Variants in WWOX observed in about 807,000 individuals in gnomAD.
WWOX encodes WW domain containing oxidoreductase.
A neutral mutation model predicts 46.2 loss-of-function variants in WWOX; 69 were observed. The ratio of observed to expected loss-of-function variants is 1.49; its 90% CI spans 1.23 to 1.82. WWOX has a LOEUF of 1.82. WWOX is among the 40% of genes most tolerant of loss of function. WWOX has a pLI of 0.00. For missense variants in WWOX, 919 were observed against 542.6 expected (o/e 1.69, Z -6.89); for synonymous variants, 359 against 202.6 (o/e 1.77, Z -6.56).
chr16:78,985,112 G>A (rs573337625), intron 8 of WWOX, among the ~76,000 whole-genome samples: 4 of 152,322 alleles, frequency 2.6e-5, no homozygotes, highest in Admixed American at 2.6e-4. Flanking sequence ...TTTCCGAACG[G>A]ATCAGATTCC....
chr16:78,527,990 C>CTTTTTTTT (rs1348624411), intron 8 of WWOX, among the ~76,000 whole-genome samples: 1 of 57,950 alleles, frequency 1.7e-5, no homozygotes, highest in Admixed American at 2.6e-4. Flanking sequence ...TGGTACATGT[C>CTTTTTTTT]CTTTTTTTTT....
chr16:78,272,099 A>G (rs2079487974), intron 5 of WWOX, among the ~76,000 whole-genome samples: 1 of 152,222 alleles, frequency 6.6e-6, no homozygotes, highest in Admixed American at 6.5e-5. Flanking sequence ...CCCAAAACTT[A>G]GAGGCTTAAA....
intron 8 of WWOX, among the ~76,000 whole-genome samples, chr16:78,723,315 C>G (rs183130895): frequency 6.6e-6 from 1 of 152,124 alleles, no homozygotes; most frequent in Non-Finnish European, 1.5e-5. Flanking sequence ...TGGTCTCTTG[C>G]CTTGGGGTCA....
chr16:78,102,286 G>A (rs2031850017), intron 1 of WWOX, among the ~76,000 whole-genome samples: 1 of 152,160 alleles, frequency 6.6e-6, no homozygotes, highest in Non-Finnish European at 1.5e-5. Flanking sequence ...AGTGAGAGGA[G>A]AGACCCCCTG....
At chr16:78,633,320 A>T (rs868075095) in intron 8 of WWOX, among the ~76,000 whole-genome samples, 1 of 152,188 alleles carries the variant, frequency 6.6e-6, no homozygotes, top group African/African-American at 2.4e-5. Flanking sequence ...AGTATCTTCT[A>T]TGGGGCTACC....
At chr16:78,104,926 T>C (rs939313796) in intron 1 of WWOX, among the ~76,000 whole-genome samples, 1 of 152,214 alleles carries the variant, frequency 6.6e-6, no homozygotes, top group Non-Finnish European at 1.5e-5. Context: ...AATGACTTCT[T>C]CAAGGGCAGA....
intron 8 of WWOX, among the ~76,000 whole-genome samples, chr16:79,128,050 G>C (rs889106257): frequency 6.6e-6 from 1 of 152,124 alleles, no homozygotes; most frequent in Non-Finnish European, 1.5e-5. Context: ...AATGGAGCAG[G>C]GGAGATGCTG....
At chr16:78,587,553 G>T (rs781443305) in intron 8 of WWOX, among the ~76,000 whole-genome samples, 1 of 151,922 alleles carries the variant, frequency 6.6e-6, no homozygotes, top group Non-Finnish European at 1.5e-5. Flanking sequence ...CCTGAGATTC[G>T]CTCACTGCCC....
At chr16:78,121,738 T>C (rs1237794469) in intron 4 of WWOX, among the ~76,000 whole-genome samples, 1 of 152,040 alleles carries the variant, frequency 6.6e-6, no homozygotes, top group Non-Finnish European at 1.5e-5. Context: ...CTCAGCTCAC[T>C]GCAACCTTTG....
intron 8 of WWOX, among the ~76,000 whole-genome samples, chr16:79,132,428 C>T (rs1381434988): frequency 2.0e-5 from 3 of 152,052 alleles, no homozygotes. Flanking sequence ...AAGCCACAGC[C>T]AGTGTTACAG....
intron 8 of WWOX, among the ~76,000 whole-genome samples, chr16:78,831,167 G>A (rs1020964231): frequency 6.6e-6 from 1 of 152,136 alleles, no homozygotes; most frequent in Admixed American, 6.5e-5. Context: ...AGAATTTGGG[G>A]GCTGAAGACC....
At chr16:79,096,897 T>G (rs1032894264) in intron 8 of WWOX, among the ~76,000 whole-genome samples, 2 of 151,992 alleles carry the variant, frequency 1.3e-5, no homozygotes, top group Non-Finnish European at 2.9e-5. Flanking sequence ...TTCTTTATAC[T>G]CTGGGGAGAA....
chr16:78,285,737 G>A (rs12446017), intron 5 of WWOX, among the ~76,000 whole-genome samples: 111,271 of 152,106 alleles, frequency 0.73, 42,352 homozygotes, highest in East Asian at 1. Flanking sequence ...CAACCTTTGC[G>A]CCTAAATAGC....
chr16:78,874,373 G>T (rs1195916720), intron 8 of WWOX, among the ~76,000 whole-genome samples: 1 of 152,088 alleles, frequency 6.6e-6, no homozygotes, highest in Non-Finnish European at 1.5e-5. Flanking sequence ...GAGGCTAGGA[G>T]CGGAGGGAAA....
At chr16:78,494,864 C>G (rs987158576) in intron 8 of WWOX, among the ~76,000 whole-genome samples, 3 of 152,130 alleles carry the variant, frequency 2.0e-5, no homozygotes, top group African/African-American at 7.2e-5. Context: ...TGATGTTCAT[C>G]GCACAGTGAC....
At chr16:78,528,640 G>T (rs1283080029) in intron 8 of WWOX, among the ~76,000 whole-genome samples, 1 of 152,114 alleles carries the variant, frequency 6.6e-6, no homozygotes, top group Non-Finnish European at 1.5e-5. Context: ...ATGCTTTCTT[G>T]TTTCTTCTAA....
At chr16:78,447,296 TAATA>T (rs149319832) in intron 8 of WWOX, among the ~76,000 whole-genome samples, 3,058 of 152,310 alleles carry the variant, frequency 0.02, 45 homozygotes, top group African/African-American at 0.043. Context: ...TTTAATACTG[TAATA>T]AATTTTTTCT....
chr16:79,110,043 A>T (rs1359926821), intron 8 of WWOX, among the ~76,000 whole-genome samples: 2 of 152,300 alleles, frequency 1.3e-5, no homozygotes, highest in African/African-American at 4.8e-5. Flanking sequence ...AGCCTGGTAG[A>T]TATTGAGCAG....
intron 8 of WWOX, chr16:79,100,997 G>T (rs571057249): frequency 6.6e-6 from 1 of 152,622 alleles, no homozygotes; most frequent in Non-Finnish European, 1.5e-5. Flanking sequence ...TGGGCAGGGG[G>T]GTGTGAATGG....
Sources: allele counts gnomAD v4.1 joint callset (sites outside exome capture counted in the v4.1 genomes callset), GRCh38; gene constraint gnomAD v4.1.1; transcripts MANE v1.5; gene names NCBI Gene and HGNC (gene_info 2026-07-23, HGNC 2026-07-21).